The following TTC28 variants were observed in gnomAD, a reference collection of about 807,000 sequenced individuals.
TTC28 encodes tetratricopeptide repeat domain 28, also known as tetratricopeptide repeat protein 28.
In TTC28, 61 loss-of-function variants were observed where a neutral mutation model predicts 198.0. That is an observed-to-expected ratio of 0.31 (90% confidence interval 0.25 to 0.38). The LOEUF is 0.38. Among genes scored for constraint, TTC28 ranks in the 10% least tolerant of loss-of-function variants. The probability of loss-of-function intolerance (pLI) is 1.00; values close to 1 mark genes in which losing one functional copy is unlikely to be tolerated. For synonymous variants in TTC28, 1,171 were observed against 1,297.8 expected (o/e 0.90, Z 2.10); for missense variants, 2,678 against 3,164.0 (o/e 0.85, Z 3.69).
chr22:28,598,090 C>CA (rs1375719397), intron 2 of TTC28, among the ~76,000 whole-genome samples: 3 of 152,168 alleles, frequency 2.0e-5, no homozygotes, highest in Non-Finnish European at 4.4e-5. Flanking sequence ...AGGCAAGTCA[C>CA]AAGCCCTCCA....
intron 2 of TTC28, among the ~76,000 whole-genome samples, chr22:28,560,639 C>T (rs979254592): frequency 6.6e-6 from 1 of 152,160 alleles, no homozygotes; most frequent in Non-Finnish European, 1.5e-5. Context: ...TTCCTTACTT[C>T]ATTCAGGTCT....
chr22:28,143,859 G>A (rs536866927), intron 6 of TTC28, among the ~76,000 whole-genome samples: 2 of 152,146 alleles, frequency 1.3e-5, no homozygotes, highest in East Asian at 1.9e-4. Flanking sequence ...TTCTTCCAGC[G>A]AATCTTACAG....
At chr22:28,111,730 T>C (rs1320236257) in intron 6 of TTC28, among the ~76,000 whole-genome samples, 1 of 152,154 alleles carries the variant, frequency 6.6e-6, no homozygotes, top group African/African-American at 2.4e-5. Flanking sequence ...GTGATTTTTT[T>C]TTCCCTCACA....
chr22:28,115,471 A>AC (rs1311363306), intron 6 of TTC28, among the ~76,000 whole-genome samples: 6 of 152,244 alleles, frequency 3.9e-5, no homozygotes, highest in Non-Finnish European at 7.3e-5. Context: ...ACATTAGTAT[A>AC]CTGCTGTGGC....
intron 2 of TTC28, among the ~76,000 whole-genome samples, chr22:28,345,839 T>C (rs1354518803): frequency 6.6e-6 from 1 of 152,150 alleles, no homozygotes; most frequent in African/African-American, 2.4e-5. Context: ...CAAACTGATA[T>C]TAAAGTATTT....
chr22:28,612,869 G>A (rs1267598898), intron 2 of TTC28, among the ~76,000 whole-genome samples: 3 of 152,004 alleles, frequency 2.0e-5, no homozygotes, highest in African/African-American at 4.8e-5. Context: ...AAATGCCCAT[G>A]AGAAAAAGCA....
At chr22:28,628,978 A>C (rs1348811844) in intron 2 of TTC28, among the ~76,000 whole-genome samples, 1 of 152,022 alleles carries the variant, frequency 6.6e-6, no homozygotes, top group Non-Finnish European at 1.5e-5. Flanking sequence ...AAGGAAAAGA[A>C]AGGAATTGTT....
chr22:28,237,924 T>C (rs1288849569), intron 5 of TTC28, among the ~76,000 whole-genome samples: 1 of 152,160 alleles, frequency 6.6e-6, no homozygotes, highest in Non-Finnish European at 1.5e-5. Context: ...CAAGATATCA[T>C]CCCATCGTTC....
chr22:28,484,191 G>A (rs534675141), intron 2 of TTC28, among the ~76,000 whole-genome samples: 5 of 152,088 alleles, frequency 3.3e-5, no homozygotes, highest in African/African-American at 9.7e-5. Flanking sequence ...TGGTGCAGCC[G>A]TGATCTCTCA....
intron 12 of TTC28, among the ~76,000 whole-genome samples, chr22:28,081,871 T>C (rs541319080): frequency 6.6e-6 from 1 of 152,358 alleles, no homozygotes; most frequent in South Asian, 2.1e-4. Context: ...CAATATTAAC[T>C]CTTGTAGTCC....
intron 12 of TTC28, among the ~76,000 whole-genome samples, chr22:28,044,362 C>T (rs1939778583): frequency 6.6e-6 from 1 of 152,142 alleles, no homozygotes; most frequent in African/African-American, 2.4e-5. Flanking sequence ...CAAAACACAC[C>T]TATGAACAAT....
chr22:28,381,360 C>T (rs1238314737), intron 2 of TTC28, among the ~76,000 whole-genome samples: 1 of 152,074 alleles, frequency 6.6e-6, no homozygotes, highest in Non-Finnish European at 1.5e-5. Context: ...ACCTTAGAGG[C>T]TTCTTGCAAA....
chr22:28,458,952 T>TG (rs1280962155), intron 2 of TTC28, among the ~76,000 whole-genome samples: 2 of 152,106 alleles, frequency 1.3e-5, no homozygotes, highest in African/African-American at 4.8e-5. Flanking sequence ...AGATCATGAA[T>TG]GCATCATGCA....
chr22:28,386,454 G>A (rs2046596663), intron 2 of TTC28, among the ~76,000 whole-genome samples: 1 of 151,986 alleles, frequency 6.6e-6, no homozygotes, highest in Admixed American at 6.6e-5. Context: ...TGCAATCCTT[G>A]GCATTCAGAA....
intron 12 of TTC28, among the ~76,000 whole-genome samples, chr22:28,045,484 G>C (rs551989666): frequency 6.6e-6 from 1 of 152,176 alleles, no homozygotes; most frequent in South Asian, 2.1e-4. Context: ...CTTCTTCATG[G>C]GTAAAATAGA....
At chr22:28,178,349 C>T (rs1457129157) in intron 5 of TTC28, among the ~76,000 whole-genome samples, 1 of 151,148 alleles carries the variant, frequency 6.6e-6, no homozygotes, top group African/African-American at 2.4e-5. Context: ...TGCCTGTAAT[C>T]CCAGCTACTC....
Position 27,982,375 on chromosome 22 carries a change from T to A in TTC28, c.7292A>T (p.Asn2431Ile). ...HDGAPPKAPP[N>I]GHWRTETTSL... ...GGTGGTCTCGGTGCGCCAGTGTCCG[T>A]TGGGAGGGGCTTTCGGTGGAGCTCC... The change falls in exon 23 of 23, where the codon AAC becomes ATC. Residue 2431 changes from asparagine (N) to isoleucine (I), a missense_variant. Physicochemically the swap from Asn to Ile is moderately radical, Grantham distance 149. Transcript: ENST00000397906. The surrounding 1 kb of genome is among the most constrained non-coding windows in gnomAD (Gnocchi z 5.2). 3 of 1,551,066 alleles carry A rather than the reference T, an allele frequency of 1.9e-6. No homozygotes were observed. Among genetic ancestry groups the A allele is most frequent in the Non-Finnish European group, 2.6e-6 (3 of 1,146,812 alleles).
intron 5 of TTC28, among the ~76,000 whole-genome samples, chr22:28,182,340 G>A (rs73882704): frequency 6.6e-6 from 1 of 152,082 alleles, no homozygotes; most frequent in Non-Finnish European, 1.5e-5. Context: ...ACATTATTCT[G>A]TAGGGGGTTG....
intron 1 of TTC28, among the ~76,000 whole-genome samples, chr22:28,676,689 A>G (rs1398617498): frequency 6.6e-6 from 1 of 151,652 alleles, no homozygotes; most frequent in Non-Finnish European, 1.5e-5. Context: ...TATTTTGTCC[A>G]GTGAAACAAG....
Sources: gnomAD v4.1 joint callset for allele counts (sites outside exome capture counted in the v4.1 genomes callset) on GRCh38, gnomAD v4.1.1 for gene constraint, Gnocchi (gnomAD v3.1) non-coding constraint, MANE v1.5 for transcripts, NCBI Gene and HGNC (gene_info 2026-07-23, HGNC 2026-07-21) for gene names.